The following PLEKHH2 variants were observed in gnomAD, a reference collection of about 807,000 sequenced individuals.
The protein encoded by PLEKHH2 is pleckstrin homology domain-containing family H member 2.
PLEKHH2 carries 129 observed loss-of-function variants against 187.9 expected under a neutral mutation model. That is an observed-to-expected ratio of 0.69 (90% CI 0.59 to 0.79). PLEKHH2 has a LOEUF of 0.79. PLEKHH2 is among the 30% of genes least tolerant of loss of function. The pLI, the probability that PLEKHH2 is intolerant of heterozygous loss-of-function variation, is 0.00. For missense variants in PLEKHH2, 2,076 were observed against 1,751.2 expected, an observed-to-expected ratio of 1.19 and a Z score of -3.31; for synonymous variants, 686 against 605.6, an observed-to-expected ratio of 1.13 and a Z score of -1.95.
intron 15 of PLEKHH2, among the ~76,000 whole-genome samples, chr2:43,716,792 T>G (rs566285584): frequency 1.3e-4 from 20 of 152,326 alleles, no homozygotes; most frequent in Non-Finnish European, 2.4e-4. Flanking sequence ...GCATTGCCAA[T>G]GTATGTGAAA....
At chr2:43,728,161 A>T (rs1670857804) in intron 17 of PLEKHH2, among the ~76,000 whole-genome samples, 1 of 152,136 alleles carries the variant, frequency 6.6e-6, no homozygotes, top group South Asian at 2.1e-4. Context: ...AATGACTCAT[A>T]ATTCTATTTC....
chr2:43,729,887 G>C (rs769938920), intron 18 of PLEKHH2, 142 bp downstream of exon 18: 47 of 507,232 alleles, frequency 9.3e-5, no homozygotes, highest in Non-Finnish European at 1.4e-4. Context: ...CATCATGGGA[G>C]AGAATTCTGT....
intron 3 of PLEKHH2, among the ~76,000 whole-genome samples, chr2:43,683,475 A>G (rs1240126902): frequency 1.3e-5 from 2 of 151,888 alleles, no homozygotes; most frequent in African/African-American, 2.4e-5. Flanking sequence ...GTTTGTTCAA[A>G]TTGGGATCTA....
Position 43,765,445 on chromosome 2 carries a change from C to G in PLEKHH2, c.4329C>G (p.Tyr1443Ter). 6.2e-7 allele frequency: 1 copy of G among 1,614,136 alleles called. No individual in the cohort carries two copies. The highest frequency in any genetic ancestry group is 8.5e-7 in the Non-Finnish European group (1 of 1,179,998). Residue 1443 changes from tyrosine to a stop codon, truncating the protein, a stop_gained, in exon 30 of 30, where the codon TAC becomes TAG. Transcript: ENST00000282406. LOFTEE classifies it high-confidence loss of function. ...AAATCACTCTTTTGATCGCCAGTTA[C>G]ATAAACAACTTCCATCAGCAAAAGG... ...ILEITLLIAS[Y>*]INNFHQQKAA...
chr2:43,706,032 C>G lies in PLEKHH2; in HGVS notation c.1727-290C>G, dbSNP rs192169402. Among the ~76,000 whole-genome samples the G allele has an allele frequency of 5.0e-3, 758 of 152,302 alleles. 5 individuals are homozygous for G. Among genetic ancestry groups the G allele is most frequent in the Non-Finnish European group, 7.9e-3 (538 of 68,022 alleles). On this transcript the variant is annotated intron_variant, in intron 9 of 29. Transcript: ENST00000282406. The stretch of plus-strand genomic sequence containing the variant: ...TGTACTTAGTTCTGCCCAGCCTGAG[C>G]AAAGCATGCATGGAGATTTCAAGGA...
In PLEKHH2 at chr2:43,654,447, G is replaced by A. The variant is rs574370607; in HGVS notation, c.123+9651G>A. Among the ~76,000 whole-genome samples, 92 of 151,898 alleles carry A rather than the reference G, an allele frequency of 6.1e-4. 1 individual carries two copies. Among genetic ancestry groups the A allele is most frequent in the African/African-American group, 2.0e-3 (83 of 41,440 alleles). On this transcript the variant is annotated intron_variant, in intron 2 of 29. Transcript: ENST00000282406. Reference sequence around the variant, plus strand: ...CTTGACCTTGTGATCTGCCTGCCTCGGCCTCCCAAAGTGCTGGGATTACAG... The same window carrying A: ...CTTGACCTTGTGATCTGCCTGCCTCAGCCTCCCAAAGTGCTGGGATTACAG...
chr2:43,731,546 C>T lies in PLEKHH2; in HGVS notation c.2887C>T (p.Pro963Ser), dbSNP rs1382499472. The T allele has an allele frequency of 1.2e-6, 2 of 1,607,032 alleles. No individual in the cohort carries two copies. The highest frequency in any genetic ancestry group is 1.3e-5 in the African/African-American group (1 of 74,836). Residue 963 changes from proline (P) to serine (S), a missense_variant, in exon 19 of 30, where the codon CCT (proline) becomes TCT (serine). Physicochemically the swap from Pro to Ser is moderately conservative, Grantham distance 74. Coordinates refer to ENST00000282406, the MANE Select transcript of PLEKHH2 (RefSeq NM_172069.4). The part of the protein sequence containing the change: ...LCHSKEGIIS[P>S]LTTLPSEALQ... The stretch of plus-strand genomic sequence containing the variant: ...TCACAGTAAAGAAGGAATCATTTCC[C>T]CTCTGACAACTCTACCTTCCGAAGC...
In PLEKHH2 at chr2:43,744,045, T is replaced by C. The variant is rs946989298; in HGVS notation, c.3555+56T>C. The C allele has an allele frequency of 3.2e-6, 5 of 1,568,890 alleles. No individual in the cohort carries two copies. In the African/African-American group the frequency reaches 5.4e-5, roughly 17 times the overall value. ...CCAACGAACAGCAAAGAAGCTACTCTTTACAAGAAGAGTAAACTTTGCAAG... is the reference window on the plus strand; with the variant it reads ...CCAACGAACAGCAAAGAAGCTACTCCTTACAAGAAGAGTAAACTTTGCAAG... On this transcript the variant is annotated intron_variant, in intron 23 of 29. Transcript: ENST00000282406.
At chr2:43,741,527 C>G (rs1039416821) in intron 21 of PLEKHH2, among the ~76,000 whole-genome samples, 10 of 152,180 alleles carry the variant, frequency 6.6e-5, no homozygotes, top group African/African-American at 2.4e-4. Context: ...GGCTTTCTTA[C>G]ATTGGGACCC....
chr2:43,676,936 A>G (rs1007020010), intron 2 of PLEKHH2, among the ~76,000 whole-genome samples: 3 of 152,222 alleles, frequency 2.0e-5, no homozygotes, highest in South Asian at 4.1e-4. Flanking sequence ...GCGGTCAAAT[A>G]GGACATTTGA....
chr2:43,740,966 C>G lies in PLEKHH2; in HGVS notation c.3144C>G (p.Leu1048=), dbSNP rs370741240. ...CCCAGGGCTGGCAGCTCTTGGCACT[C>G]TGCGTTGGGCTCTTCCTTCCCCATC... ...GPLQGWQLLA[L]CVGLFLPHHP... Residue 1048 remains leucine (L), a synonymous_variant, in exon 21 of 30, where the codon CTC becomes CTG. Transcript: ENST00000282406. The G allele has an allele frequency of 1.9e-6, 3 of 1,613,740 alleles. No homozygotes were observed. Among genetic ancestry groups the G allele is most frequent in the African/African-American group, 2.7e-5 (2 of 74,890 alleles).
intron 27 of PLEKHH2, among the ~76,000 whole-genome samples, chr2:43,759,745 A>G (rs764881831): frequency 2.8e-4 from 42 of 152,210 alleles, no homozygotes; most frequent in Non-Finnish European, 4.9e-4. Flanking sequence ...CACTGATCCT[A>G]AAATCTTCCT....
chr2:43,640,216 T>C (rs990447380), intron 1 of PLEKHH2, among the ~76,000 whole-genome samples: 1 of 152,024 alleles, frequency 6.6e-6, no homozygotes, highest in East Asian at 1.9e-4. Flanking sequence ...TTAAACTTTT[T>C]TTTTTTTTTG....
intron 16 of PLEKHH2, among the ~76,000 whole-genome samples, chr2:43,724,122 G>A (rs1236095461): frequency 2.1e-5 from 2 of 97,130 alleles, no homozygotes; most frequent in Admixed American, 9.1e-5. Context: ...AGAGCAGGTT[G>A]TCAAGGAGGA....
intron 14 of PLEKHH2, 192 bp downstream of exon 14, chr2:43,710,767 T>A: frequency 7.4e-7 from 1 of 1,359,372 alleles, no homozygotes; most frequent in Non-Finnish European, 9.5e-7. Context: ...GTTAGGTGTG[T>A]GTTGAGTAAC....
At chr2:43,640,608 G>C (rs1034871061) in intron 1 of PLEKHH2, among the ~76,000 whole-genome samples, 1 of 152,138 alleles carries the variant, frequency 6.6e-6, no homozygotes, top group African/African-American at 2.4e-5. Context: ...AACACTTGTT[G>C]TTAGATGTCT....
At chr2:43,694,592 C>A in intron 5 of PLEKHH2, 78 bp downstream of exon 5, 1 of 1,398,692 alleles carries the variant, frequency 7.1e-7, no homozygotes. Flanking sequence ...TATGTGATTA[C>A]TCTGAGTAAA....
rs780924933 is a variant in PLEKHH2, at chr2:43,697,311, A to G, written c.643A>G (p.Ile215Val). ...AGTAAAATCTGAGGAAATGAGCAAGATATCATCGAAAGAACCTGAGTTCAC... is the reference window on the plus strand; with the variant it reads ...AGTAAAATCTGAGGAAATGAGCAAGGTATCATCGAAAGAACCTGAGTTCAC... The part of the protein sequence containing the change: ...QVVKSEEMSK[I>V]SSKEPEFTEG... Residue 215 changes from isoleucine to valine, a missense_variant, in exon 7 of 30, where the codon ATA (isoleucine) becomes GTA (valine). Ile to Val is a conservative substitution (Grantham distance 29). Coordinates refer to ENST00000282406, the MANE Select transcript of PLEKHH2 (RefSeq NM_172069.4). 20 of 1,613,602 alleles carry G rather than the reference A, an allele frequency of 1.2e-5. No individual in the cohort carries two copies.
chr2:43,642,798 A>T (rs1666010111), intron 1 of PLEKHH2, among the ~76,000 whole-genome samples: 1 of 152,094 alleles, frequency 6.6e-6, no homozygotes, highest in African/African-American at 2.4e-5. Context: ...TCCACTCTTC[A>T]TGTTATTTTT....
Sources: gnomAD v4.1 joint callset for allele counts (sites outside exome capture counted in the v4.1 genomes callset) on GRCh38, gnomAD v4.1.1 for gene constraint, MANE v1.5 for transcripts, NCBI Gene and HGNC (gene_info 2026-07-23, HGNC 2026-07-21) for gene names.